The following RARS2 variants were observed in gnomAD, a reference collection of about 807,000 sequenced individuals.
The protein encoded by RARS2 is probable arginine--tRNA ligase, mitochondrial.
RARS2 carries 67 observed loss-of-function variants against 88.5 expected under a neutral mutation model. The observed-to-expected ratio is 0.76, with a 90% confidence interval of 0.62 to 0.93. The LOEUF (loss-of-function observed/expected upper bound fraction) is 0.93. RARS2 is among the 40% of genes least tolerant of loss of function. The pLI is 0.00. For missense variants in RARS2, 664 were observed against 684.2 expected (o/e 0.97, Z 0.33); for synonymous variants, 239 against 230.3 (o/e 1.04, Z -0.34).
intron 1 of RARS2, among the ~76,000 whole-genome samples, chr6:87,570,824 A>G (rs1769447989): frequency 6.6e-6 from 1 of 152,132 alleles, no homozygotes; most frequent in Admixed American, 6.5e-5. Flanking sequence ...AAGTGCTGGG[A>G]TTACAAGAGT....
intron 5 of RARS2, among the ~76,000 whole-genome samples, chr6:87,551,968 C>G (rs1784476612): frequency 6.6e-6 from 1 of 152,158 alleles, no homozygotes; most frequent in Non-Finnish European, 1.5e-5. Context: ...AGTCTTACAC[C>G]ATCTACCACG....
chr6:87,579,480 G>C (rs185938462), intron 1 of RARS2, among the ~76,000 whole-genome samples: 2 of 152,162 alleles, frequency 1.3e-5, no homozygotes, highest in East Asian at 3.9e-4. Context: ...CCAACCTCAG[G>C]CTAAAGGGCC....
intron 5 of RARS2, among the ~76,000 whole-genome samples, chr6:87,551,469 T>C (rs1231183370): frequency 2.0e-5 from 3 of 151,224 alleles, no homozygotes; most frequent in South Asian, 2.1e-4. Context: ...CTATTAAAAA[T>C]AGAAAAATTA....
At chr6:87,577,876 AT>A (rs1265664335) in intron 1 of RARS2, among the ~76,000 whole-genome samples, 1 of 152,226 alleles carries the variant, frequency 6.6e-6, no homozygotes, top group Non-Finnish European at 1.5e-5. Context: ...GTTTTTCACA[AT>A]TTCTTTTCTT....
At chr6:87,525,015 T>C (rs931665408) in intron 10 of RARS2, among the ~76,000 whole-genome samples, 1 of 152,238 alleles carries the variant, frequency 6.6e-6, no homozygotes, top group Non-Finnish European at 1.5e-5. Flanking sequence ...AATATTGGGA[T>C]AATTTTTAAC....
chr6:87,556,915 G>C lies in RARS2; in HGVS notation c.298-1410C>G, dbSNP rs538540801. Among the ~76,000 whole-genome samples, 23 of 151,564 alleles carry C rather than the reference G, an allele frequency of 1.5e-4. No homozygotes were observed. The South Asian group carries it at 4.8e-3, about 32-fold the overall frequency. ...GATCCTGACACCTTAGCCTCCTAAA[G>C]TGCTGGGATTATAGGTATGAGCCAC... On this transcript the variant is annotated intron_variant, in intron 4 of 19. Coordinates refer to ENST00000369536, the MANE Select transcript of RARS2 (RefSeq NM_020320.5).
intron 17 of RARS2, among the ~76,000 whole-genome samples, chr6:87,517,967 A>C (rs1178513045): frequency 6.6e-6 from 1 of 152,208 alleles, no homozygotes; most frequent in East Asian, 1.9e-4. Context: ...CTGAAGACCC[A>C]AAGACTGTCC....
chr6:87,548,566 A>AT (rs773111685), intron 6 of RARS2, 25 bp downstream of exon 6: 3 of 1,604,508 alleles, frequency 1.9e-6, no homozygotes, highest in Non-Finnish European at 1.7e-6. Flanking sequence ...AACGTTTAGC[A>AT]TTTTATGTGA....
rs1225701318 is a variant in RARS2, at chr6:87,555,098, C to CAAAA, written c.395+306_395+309dup. Among the ~76,000 whole-genome samples, 9 of 76,670 alleles carry CAAAA rather than the reference C, an allele frequency of 1.2e-4. No homozygotes were observed. In the South Asian group the frequency reaches 2.4e-3, roughly 20 times the overall value. 50.3% of individuals were successfully genotyped at this position (76,670 alleles called of 152,430 possible). ...TGGGCGACAGAGTGAGACTCCGTCT[C>CAAAA]AAAAATAAATAAATAAATAAATAAA... On this transcript the variant is annotated intron_variant, in intron 5 of 19. Transcript: ENST00000369536.
intron 1 of RARS2, among the ~76,000 whole-genome samples, chr6:87,585,693 T>C (rs751993610): frequency 7.1e-4 from 108 of 152,068 alleles, no homozygotes; most frequent in Middle Eastern, 3.4e-3. Flanking sequence ...GATCACGCCA[T>C]TGCACTCTAG....
In RARS2 at chr6:87,540,463, A is replaced by C. The variant is rs1689383567; in HGVS notation, c.612+1455T>G. Among the ~76,000 whole-genome samples the C allele has an allele frequency of 2.6e-5, 4 of 151,782 alleles. 1 individual carries two copies. The highest frequency in any genetic ancestry group is 4.1e-4 in the South Asian group (2 of 4,824). ...AGACTCCTCAAAAAAAAAAAAAAAAAAAAAAAACTGGAATATGTTTTTGTT... is the reference window on the plus strand; with the variant it reads ...AGACTCCTCAAAAAAAAAAAAAAAACAAAAAAACTGGAATATGTTTTTGTT... On this transcript the variant is annotated intron_variant, in intron 8 of 19. Transcript: ENST00000369536.
Position 87,524,567 on chromosome 6 carries a change from A to T in RARS2, c.964T>A (p.Tyr322Asn). ...ACAGAGGCTACAAACCTGGTTGCAT[A>T]GAGAGAAGTCCCATCACTTCGCATT... ...TVMRSDGTSL[Y>N]ATRDLAAAID... Residue 322 changes from tyrosine to asparagine, a missense_variant, in exon 11 of 20, where the codon TAT (tyrosine) becomes AAT (asparagine). By Grantham distance (143) the Tyr-to-Asn change is moderately radical. Coordinates refer to ENST00000369536, the MANE Select transcript of RARS2 (RefSeq NM_020320.5). 4.3e-6 allele frequency: 7 copies of T among 1,609,716 alleles called. No individual in the cohort carries two copies. The highest frequency in any genetic ancestry group is 6.0e-6 in the Non-Finnish European group (7 of 1,176,064).
At chr6:87,520,660 T>C (rs920571899) in intron 12 of RARS2, among the ~76,000 whole-genome samples, 3 of 152,180 alleles carry the variant, frequency 2.0e-5, no homozygotes, top group Non-Finnish European at 4.4e-5. Flanking sequence ...AGAATACCAC[T>C]CAGCAATAAA....
At chr6:87,548,685 T>G (rs749482654) in intron 5 of RARS2, 39 bp from the exon 6 acceptor site, 18 of 1,574,140 alleles carry the variant, frequency 1.1e-5, no homozygotes, top group Admixed American at 1.7e-5. Flanking sequence ...ATTCTAAGAC[T>G]TAAGACTTCT....
At chr6:87,537,007 CTG>C (rs1368944057) in intron 8 of RARS2, among the ~76,000 whole-genome samples, 7 of 152,192 alleles carry the variant, frequency 4.6e-5, no homozygotes, top group African/African-American at 1.7e-4. Context: ...CAATAAATGA[CTG>C]TGGGTGTTAA....
At chr6:87,549,547 A>AT (rs1306786406) in intron 5 of RARS2, among the ~76,000 whole-genome samples, 1 of 147,968 alleles carries the variant, frequency 6.8e-6, no homozygotes, top group Non-Finnish European at 1.5e-5. Context: ...TTCTGTCTGT[A>AT]AAATTAAAAA....
At chr6:87,522,245 G>T (rs964241564) in intron 11 of RARS2, among the ~76,000 whole-genome samples, 5 of 150,318 alleles carry the variant, frequency 3.3e-5, no homozygotes, top group Middle Eastern at 6.9e-3. Context: ...CAGGAGAATC[G>T]CTTGAACCTA....
At chr6:87,545,844 C>T (rs1196589854) in intron 6 of RARS2, 145 bp from the exon 7 acceptor site, 66 of 979,532 alleles carry the variant, frequency 6.7e-5, no homozygotes, top group Non-Finnish European at 2.9e-6. Context: ...AAACATTCAT[C>T]ATTGTGTTTT....
At position 87,530,777 on chromosome 6, in the gene RARS2, C is replaced by A. The variant is rs778889562; in HGVS notation, c.771+7G>T. On this transcript the variant is annotated splice_region_variant and intron_variant, in intron 9 of 19. Coordinates refer to ENST00000369536, the MANE Select transcript of RARS2 (RefSeq NM_020320.5). ...ATGGGAAAGCAGAAGGGAGGGTCAA[C>A]CAATACCTTGTAAACCCGAATGTAC... The A allele has an allele frequency of 6.2e-7, 1 of 1,614,006 alleles. No homozygotes were observed. Among genetic ancestry groups the A allele is most frequent in the Non-Finnish European group, 8.5e-7 (1 of 1,179,994 alleles).
Sources: gnomAD v4.1 joint callset for allele counts (sites outside exome capture counted in the v4.1 genomes callset) on GRCh38, gnomAD v4.1.1 for gene constraint, MANE v1.5 for transcripts, NCBI Gene and HGNC (gene_info 2026-07-23, HGNC 2026-07-21) for gene names.